THSD4: variants seen among roughly 807,000 people sequenced by gnomAD.
THSD4 encodes the protein thrombospondin type 1 domain containing 4.
Under a neutral mutation model 119.0 loss-of-function variants are expected in THSD4, and 69 were observed. The observed-to-expected ratio is 0.58, with a 90% confidence interval of 0.48 to 0.71. The LOEUF (loss-of-function observed/expected upper bound fraction) is 0.71. THSD4 is among the 30% of genes least tolerant of loss of function. The pLI is 0.00. For missense variants in THSD4, 1,393 were observed against 1,391.1 expected (o/e 1.00, Z -0.02); for synonymous variants, 524 against 540.4 (o/e 0.97, Z 0.42).
chr15:71,432,542 C>A (rs1473721976), intron 7 of THSD4, among the ~76,000 whole-genome samples: 1 of 97,248 alleles, frequency 1.0e-5, no homozygotes, highest in African/African-American at 3.7e-5. Flanking sequence ...TTTTTTTTTG[C>A]AGTTTACTCA....
intron 7 of THSD4, among the ~76,000 whole-genome samples, chr15:71,492,937 G>T (rs974594553): frequency 2.0e-5 from 3 of 151,402 alleles, no homozygotes; most frequent in African/African-American, 7.3e-5. Context: ...TTGAAAAAGG[G>T]TTAATCACTG....
chr15:71,363,027 C>T (rs1468619593), intron 6 of THSD4, among the ~76,000 whole-genome samples: 1 of 151,174 alleles, frequency 6.6e-6, no homozygotes, highest in Non-Finnish European at 1.5e-5. Context: ...TAAGAAAGCT[C>T]TTGAATTTGT....
intron 16 of THSD4, among the ~76,000 whole-genome samples, 167 bp downstream of exon 16, chr15:71,765,366 G>A (rs367872748): frequency 2.6e-5 from 4 of 152,320 alleles, no homozygotes; most frequent in African/African-American, 9.6e-5. Context: ...AGCCTGCTTC[G>A]TGGGGAAGGC....
At chr15:71,665,288 G>A (rs899455936) in intron 8 of THSD4, among the ~76,000 whole-genome samples, 7 of 152,056 alleles carry the variant, frequency 4.6e-5, no homozygotes, top group Non-Finnish European at 1.0e-4. Flanking sequence ...CCATACATAC[G>A]TCATCTTTTG....
intron 8 of THSD4, among the ~76,000 whole-genome samples, chr15:71,661,436 C>A (rs2051305526): frequency 6.6e-6 from 1 of 151,164 alleles, no homozygotes; most frequent in Non-Finnish European, 1.5e-5. Flanking sequence ...TGCCCTGTCA[C>A]CCAGGTTCGA....
intron 6 of THSD4, among the ~76,000 whole-genome samples, chr15:71,277,227 G>T (rs1431135927): frequency 6.7e-6 from 1 of 149,340 alleles, no homozygotes; most frequent in African/African-American, 2.5e-5. Flanking sequence ...CCGGGTTCAA[G>T]TGATTCTCTT....
chr15:71,495,089 C>T (rs1033298684), intron 7 of THSD4, among the ~76,000 whole-genome samples: 1 of 152,096 alleles, frequency 6.6e-6, no homozygotes. Flanking sequence ...TTTCAGAAAG[C>T]GGGGAGAAGA....
At chr15:71,441,639 C>T (rs897864160) in intron 7 of THSD4, among the ~76,000 whole-genome samples, 6 of 151,874 alleles carry the variant, frequency 4.0e-5, no homozygotes, top group Non-Finnish European at 7.4e-5. Flanking sequence ...GTAATCTGCC[C>T]GCCTTGGCCT....
At chr15:71,425,433 A>G (rs1452787887) in intron 7 of THSD4, among the ~76,000 whole-genome samples, 1 of 152,152 alleles carries the variant, frequency 6.6e-6, no homozygotes, top group Admixed American at 6.5e-5. Flanking sequence ...TTTCCAAATG[A>G]CCATCTTTTC....
At chr15:71,489,576 TCTG>T (rs1016737945) in intron 7 of THSD4, among the ~76,000 whole-genome samples, 2 of 152,102 alleles carry the variant, frequency 1.3e-5, no homozygotes, top group African/African-American at 4.8e-5. Flanking sequence ...CTTTATGAAA[TCTG>T]CTGCCTCTAG....
chr15:71,534,757 T>A (rs2048666240), intron 7 of THSD4, among the ~76,000 whole-genome samples: 1 of 152,158 alleles, frequency 6.6e-6, no homozygotes, highest in South Asian at 2.1e-4. Context: ...GGCGGGCGGA[T>A]CACCTGAGTT....
At chr15:71,365,183 CAG>C (rs1296506537) in intron 6 of THSD4, among the ~76,000 whole-genome samples, 1 of 95,372 alleles carries the variant, frequency 1.0e-5, no homozygotes, top group Non-Finnish European at 2.6e-5. Context: ...GAGAGAAAGA[CAG>C]AAAAGAAGAG....
rs531615638 is a variant in THSD4 at position 71,771,270 on chromosome 15, G to A, written c.2914+62G>A. 69 of 1,591,074 alleles carry A rather than the reference G, an allele frequency of 4.3e-5. 1 individual carries two copies. In the African/African-American group the frequency reaches 4.8e-4, roughly 11 times the overall value. ...GTTTTTTAAGCTTGTCAGATTCTCCGGTGTGACAATAACAAGCCTCTTCTA... is the reference window on the plus strand; with the variant it reads ...GTTTTTTAAGCTTGTCAGATTCTCCAGTGTGACAATAACAAGCCTCTTCTA... On this transcript the variant is annotated intron_variant, in intron 17 of 17. Transcript: ENST00000261862.
chr15:71,459,546 A>G (rs1025196234), intron 7 of THSD4, among the ~76,000 whole-genome samples: 7 of 152,176 alleles, frequency 4.6e-5, no homozygotes, highest in Admixed American at 3.3e-4. Flanking sequence ...TTTTCTTCAA[A>G]TAGTTGTATC....
chr15:71,181,933 A>G (rs1480025936), intron 3 of THSD4, among the ~76,000 whole-genome samples: 3 of 152,040 alleles, frequency 2.0e-5, no homozygotes, highest in East Asian at 3.9e-4. Flanking sequence ...GAAATATGAG[A>G]CCTAAAAAAA....
intron 3 of THSD4, among the ~76,000 whole-genome samples, chr15:71,191,938 T>C (rs2043675721): frequency 1.3e-5 from 2 of 149,596 alleles, no homozygotes; most frequent in Non-Finnish European, 3.0e-5. Context: ...AATCTCACTC[T>C]GTCACCTGGG....
chr15:71,105,634 G>A (rs1339245556), intron 1 of THSD4, among the ~76,000 whole-genome samples: 1 of 152,198 alleles, frequency 6.6e-6, no homozygotes, highest in Non-Finnish European at 1.5e-5. Flanking sequence ...AAGGGTTTTA[G>A]ATTCTCTGTG....
intron 7 of THSD4, among the ~76,000 whole-genome samples, chr15:71,497,597 T>A (rs1235165137): frequency 6.6e-6 from 1 of 152,004 alleles, no homozygotes; most frequent in Non-Finnish European, 1.5e-5. Context: ...TAAAATAAAT[T>A]TATTTTGTAG....
chr15:71,287,118 G>T (rs16955390), intron 6 of THSD4, among the ~76,000 whole-genome samples: 2 of 152,022 alleles, frequency 1.3e-5, no homozygotes, highest in Non-Finnish European at 2.9e-5. Flanking sequence ...AGTCAAAGTC[G>T]TAGTCACAAA....
Sources: gnomAD v4.1 joint callset for allele counts (sites outside exome capture counted in the v4.1 genomes callset) on GRCh38, gnomAD v4.1.1 for gene constraint, MANE v1.5 for transcripts, NCBI Gene and HGNC (gene_info 2026-07-23, HGNC 2026-07-21) for gene names.